The following SEZ6L variants were observed in gnomAD, a reference collection of about 807,000 sequenced individuals.
SEZ6L encodes the protein seizure 6-like protein.
Under a neutral mutation model 106.2 loss-of-function variants are expected in SEZ6L, and 37 were observed. That is an observed-to-expected ratio of 0.35 (90% CI 0.27 to 0.46). SEZ6L has a LOEUF of 0.46. Among genes scored for constraint, SEZ6L ranks in the 20% least tolerant of loss-of-function variants. The probability of loss-of-function intolerance (pLI) is 1.00; values close to 1 mark genes in which losing one functional copy is unlikely to be tolerated. For synonymous variants in SEZ6L, 541 were observed against 570.4 expected, an observed-to-expected ratio of 0.95 and a Z score of 0.73; for missense variants, 1,172 against 1,332.8, an observed-to-expected ratio of 0.88 and a Z score of 1.88.
At chr22:26,262,282 A>ATCTATCTG in intron 1 of SEZ6L, among the ~76,000 whole-genome samples, 1 of 149,814 alleles carries the variant, frequency 6.7e-6, no homozygotes, top group East Asian at 1.9e-4. Context: ...CTATCTATCT[A>ATCTATCTG]TCTCTTTTAA....
At chr22:26,174,809 C>T (rs2123762565) in intron 1 of SEZ6L, among the ~76,000 whole-genome samples, 1 of 152,300 alleles carries the variant, frequency 6.6e-6, no homozygotes, top group South Asian at 2.1e-4. Context: ...TTTACTAGAA[C>T]ATGGCAAGGA....
chr22:26,191,551 C>T (rs1055433176), intron 1 of SEZ6L, among the ~76,000 whole-genome samples: 9 of 132,664 alleles, frequency 6.8e-5, no homozygotes, highest in African/African-American at 2.7e-4. Context: ...CACATGGACA[C>T]ATGGTGGAGA....
At position 26,256,202 on chromosome 22, in the gene SEZ6L, C is replaced by T. The variant is rs182263969; in HGVS notation, c.95-36204C>T. Among the ~76,000 whole-genome samples, 643 of 152,236 alleles carry T rather than the reference C, an allele frequency of 4.2e-3. 3 individuals are homozygous for T. Among genetic ancestry groups the T allele is most frequent in the South Asian group, 0.023 (111 of 4,810 alleles). ...AAGAGACTAGGTAAACAATGAAAGG[C>T]AGATAAGCTAGAGGGGTATTCGGGG... On this transcript the variant is annotated intron_variant, in intron 1 of 16. Coordinates refer to ENST00000248933, the MANE Select transcript of SEZ6L (RefSeq NM_021115.5).
intron 15 of SEZ6L, 138 bp from the exon 16 acceptor site, chr22:26,377,535 A>C: frequency 1.4e-6 from 1 of 692,666 alleles, no homozygotes; most frequent in Non-Finnish European, 2.6e-6. Flanking sequence ...TCGCCTGCAA[A>C]AGGCTGTTTG....
chr22:26,248,823 G>A (rs1386318047), intron 1 of SEZ6L, among the ~76,000 whole-genome samples: 1 of 152,224 alleles, frequency 6.6e-6, no homozygotes, highest in African/African-American at 2.4e-5. Flanking sequence ...ATTTCATGGG[G>A]TGGATCCTGC....
chr22:26,369,729 C>G (rs2083960309), intron 13 of SEZ6L, among the ~76,000 whole-genome samples: 1 of 152,028 alleles, frequency 6.6e-6, no homozygotes, highest in African/African-American at 2.4e-5. Context: ...CAGCTGCCTT[C>G]CCTCATTCCC....
chr22:26,179,425 C>G (rs1440006438), intron 1 of SEZ6L, among the ~76,000 whole-genome samples: 1 of 152,148 alleles, frequency 6.6e-6, no homozygotes, highest in Admixed American at 6.5e-5. Flanking sequence ...CACCTTACCC[C>G]TTTCACCATG....
At chr22:26,253,568 A>C (rs112070852) in intron 1 of SEZ6L, among the ~76,000 whole-genome samples, 33 of 152,362 alleles carry the variant, frequency 2.2e-4, no homozygotes, top group African/African-American at 7.0e-4. Flanking sequence ...TACAAAATAG[A>C]TGCCCAGAAA....
At chr22:26,361,666 T>C (rs1022379747) in intron 12 of SEZ6L, among the ~76,000 whole-genome samples, 2 of 152,126 alleles carry the variant, frequency 1.3e-5, no homozygotes, top group Non-Finnish European at 2.9e-5. Context: ...CTTGTTTTAT[T>C]CTCATAACAA....
chr22:26,236,125 C>T (rs2078951009), intron 1 of SEZ6L, among the ~76,000 whole-genome samples: 3 of 152,232 alleles, frequency 2.0e-5, no homozygotes, highest in African/African-American at 4.8e-5. Context: ...AGTTTCCCAG[C>T]CATGACTGTC....
chr22:26,208,893 TGTGTGTGTGTGTA>T (rs1602037597), intron 1 of SEZ6L, among the ~76,000 whole-genome samples: 1 of 148,700 alleles, frequency 6.7e-6, no homozygotes, highest in Non-Finnish European at 1.5e-5. Context: ...TGTGTGTGTG[TGTGTGTGTGTGTA>T]ATGTTTTGAT....
At chr22:26,313,541 T>G (rs1401994424) in intron 8 of SEZ6L, among the ~76,000 whole-genome samples, 1 of 150,640 alleles carries the variant, frequency 6.6e-6, no homozygotes. Context: ...AGGTGCAAGG[T>G]AGGCAGCTGG....
chr22:26,363,542 TATG>T (rs969174650), intron 12 of SEZ6L, among the ~76,000 whole-genome samples: 9 of 152,186 alleles, frequency 5.9e-5, no homozygotes, highest in African/African-American at 2.2e-4. Context: ...ATTCTGAAGT[TATG>T]ATGATGATAA....
chr22:26,217,337 TC>T, intron 1 of SEZ6L, among the ~76,000 whole-genome samples: 1 of 152,334 alleles, frequency 6.6e-6, no homozygotes, highest in East Asian at 1.9e-4. Flanking sequence ...GTCCTGGCTA[TC>T]TTCTGTATCA....
At chr22:26,342,898 G>A (rs553928938) in intron 10 of SEZ6L, among the ~76,000 whole-genome samples, 15 of 152,314 alleles carry the variant, frequency 9.8e-5, no homozygotes, top group South Asian at 2.1e-4. Context: ...AGCCTCATGC[G>A]TGCCAAAGTA....
At chr22:26,221,746 A>G (rs879272148) in intron 1 of SEZ6L, among the ~76,000 whole-genome samples, 9 of 138,800 alleles carry the variant, frequency 6.5e-5, no homozygotes, top group African/African-American at 2.0e-4. Context: ...GCGTGCACAC[A>G]CACACACACA....
At chr22:26,189,000 A>C (rs1939996250) in intron 1 of SEZ6L, among the ~76,000 whole-genome samples, 1 of 152,316 alleles carries the variant, frequency 6.6e-6, no homozygotes, top group Admixed American at 6.5e-5. Flanking sequence ...CTTACAAAAT[A>C]ATTTTTTTCC....
intron 1 of SEZ6L, among the ~76,000 whole-genome samples, chr22:26,252,051 G>A (rs1413534809): frequency 1.3e-5 from 2 of 152,098 alleles, no homozygotes; most frequent in Admixed American, 6.5e-5. Flanking sequence ...CAGCATCAGC[G>A]ACAGCAGCAG....
intron 1 of SEZ6L, among the ~76,000 whole-genome samples, chr22:26,244,078 A>G (rs113452067): frequency 0.14 from 21,442 of 151,948 alleles, 2,012 homozygotes; most frequent in East Asian, 0.24. Context: ...CAGCAGGATC[A>G]CTTGAACCTG....
Sources: gnomAD v4.1 joint callset for allele counts (sites outside exome capture counted in the v4.1 genomes callset) on GRCh38, gnomAD v4.1.1 for gene constraint, MANE v1.5 for transcripts, NCBI Gene and HGNC (gene_info 2026-07-23, HGNC 2026-07-21) for gene names.